HDLBP: variants seen among roughly 807,000 people sequenced by gnomAD.
The protein encoded by HDLBP is vigilin.
Under a neutral mutation model 137.3 loss-of-function variants are expected in HDLBP, and 30 were observed. The observed-to-expected ratio is 0.22, with a 90% CI of 0.16 to 0.30. The LOEUF is 0.30. HDLBP is among the 10% of genes least tolerant of loss of function. HDLBP has a pLI of 1.00. For missense variants in HDLBP, 1,119 were observed against 1,667.3 expected, an observed-to-expected ratio of 0.67 and a Z score of 5.73; for synonymous variants, 606 against 596.0, an observed-to-expected ratio of 1.02 and a Z score of -0.24.
Position 241,230,702 on chromosome 2 carries a change from A to T in HDLBP, c.3474+57T>A, listed in dbSNP as rs1484237384. ...CCATGCCCTGCTCTTTCTTCTGGCC[A>T]GCCAGGTGCCCCCGGTGAGAGAGGA... On this transcript the variant is annotated intron_variant, in intron 25 of 27. Coordinates refer to ENST00000310931, the MANE Select transcript of HDLBP (RefSeq NM_005336.6). This position sits in a 1 kb window ranked among gnomAD's most constrained non-coding sequence, Gnocchi z 5.0. The T allele has an allele frequency of 3.3e-6, 5 of 1,500,920 alleles. No individual in the cohort carries two copies. The highest frequency in any genetic ancestry group is 4.6e-6 in the Non-Finnish European group (5 of 1,085,416). The allele number at this position is 1,500,920 out of a possible 1,614,324, so 93.0% of individuals were successfully genotyped here.
At chr2:241,257,453 G>A (rs1169351090) in intron 5 of HDLBP, among the ~76,000 whole-genome samples, 5 of 152,132 alleles carry the variant, frequency 3.3e-5, no homozygotes, top group East Asian at 1.9e-4. Flanking sequence ...CGATGGTCTC[G>A]AATTCCTGAC....
Position 241,229,878 on chromosome 2 carries a change from G to T in HDLBP, c.3675C>A (p.Gly1225=), listed in dbSNP as rs746474192. 6.5e-7 allele frequency: 1 copy of T among 1,530,872 alleles called. No homozygotes were observed. The highest frequency in any genetic ancestry group is 8.8e-7 in the Non-Finnish European group (1 of 1,130,962). The allele number at this position is 1,530,872 out of a possible 1,614,324, so 94.8% of individuals were successfully genotyped here. ...TCCAGGGTGCGTCCCGCACCACAAA[G>T]CCTCTGGAAGGTGCCTTGGCCTCTT... ...AHEEAKAPSR[G]FVVRDAPWTA... Residue 1225 remains glycine (G), a synonymous_variant, in exon 27 of 28, where the codon GGC becomes GGA. Transcript: ENST00000310931.
At position 241,272,056 on chromosome 2, in the gene HDLBP, T is replaced by C. The variant is rs2074086427; in HGVS notation, c.-102-3515A>G. 7.4e-6 allele frequency: 3 copies of C among 407,990 alleles called. No individual in the cohort carries two copies. In the South Asian group the frequency reaches 3.0e-4, roughly 41 times the overall value. 25.3% of individuals were successfully genotyped at this position (407,990 alleles called of 1,614,324 possible). On this transcript the variant is annotated intron_variant, in intron 1 of 27. Coordinates refer to ENST00000310931, the MANE Select transcript of HDLBP (RefSeq NM_005336.6). The surrounding 1 kb of genome is among the most constrained non-coding windows in gnomAD (Gnocchi z 5.6). ...AGCAACCCCTCGGCCTCCCCGCCTT[T>C]CATCCAAATTCGGTACTTTTCCGTA...
At chr2:241,234,787 C>T (rs545144530) in intron 23 of HDLBP, among the ~76,000 whole-genome samples, 3 of 152,358 alleles carry the variant, frequency 2.0e-5, no homozygotes, top group South Asian at 2.1e-4. Context: ...CGATGCTCGT[C>T]CTCACTGCAT....
At position 241,229,947 on chromosome 2, in the gene HDLBP, C is replaced by T. The variant is rs202193042; in HGVS notation, c.3606G>A (p.Val1202=). The T allele has an allele frequency of 3.2e-5, 51 of 1,601,142 alleles. 1 individual carries two copies. In the Admixed American group the frequency reaches 8.3e-4, roughly 26 times the overall value. Residue 1202 remains valine, a synonymous_variant, in exon 27 of 28, where the codon GTG becomes GTA. Coordinates refer to ENST00000310931, the MANE Select transcript of HDLBP (RefSeq NM_005336.6). ...NLEEEYLADV[V]DSEALQVYMK... is the part of the protein sequence containing the mutation. Reference sequence around the variant, plus strand: ...TGTATACCTGCAGCGCCTCACTGTCCACCACGTCAGCTAGCTGCAGGCAGA... The same window carrying T: ...TGTATACCTGCAGCGCCTCACTGTCTACCACGTCAGCTAGCTGCAGGCAGA...
chr2:241,274,159 G>T (rs1257174391), intron 1 of HDLBP, among the ~76,000 whole-genome samples: 1 of 152,210 alleles, frequency 6.6e-6, no homozygotes, highest in Non-Finnish European at 1.5e-5. Context: ...GTGATGCCCT[G>T]ACTGGGCAGG....
intron 11 of HDLBP, among the ~76,000 whole-genome samples, chr2:241,251,355 G>C (rs1278822951): frequency 6.6e-6 from 1 of 152,228 alleles, no homozygotes; most frequent in East Asian, 1.9e-4. Context: ...AGGTCACTTT[G>C]TGCCTACAGA....
chr2:241,311,593 C>T (rs987061200), intron 1 of HDLBP, among the ~76,000 whole-genome samples: 1 of 152,132 alleles, frequency 6.6e-6, no homozygotes, highest in East Asian at 1.9e-4. Flanking sequence ...AGAAAACGGA[C>T]AATTTCTTGA....
In HDLBP at chr2:241,227,546, T is replaced by A. The variant is rs906352670; in HGVS notation, c.*2055A>T. ...AGGGAGACAGGCCTGGGGACAGTCA[T>A]GTCATCACCCTTGCAACAACCACCC... is the stretch of plus-strand genomic sequence containing the variant. On this transcript the variant is annotated 3_prime_UTR_variant, in exon 28 of 28. Transcript: ENST00000310931. The A allele has an allele frequency of 6.6e-6, 1 of 152,580 alleles. No homozygotes were observed. The highest frequency in any genetic ancestry group is 6.5e-5 in the Admixed American group (1 of 15,276). The allele number at this position is 152,580 out of a possible 1,614,324, so 9.5% of individuals were successfully genotyped here.
At chr2:241,250,074 A>C in intron 11 of HDLBP, 94 bp from the exon 12 acceptor site, 1 of 1,239,928 alleles carries the variant, frequency 8.1e-7, no homozygotes, top group East Asian at 2.5e-5. Context: ...GCGCTAAATA[A>C]CCTTATCTGT....
At chr2:241,282,915 G>A (rs770130315) in intron 1 of HDLBP, among the ~76,000 whole-genome samples, 12 of 152,236 alleles carry the variant, frequency 7.9e-5, no homozygotes, top group African/African-American at 2.4e-4. Flanking sequence ...AGAGCTGCAC[G>A]TCTCTCATAT....
At chr2:241,236,376 C>T (rs1220369215) in intron 21 of HDLBP, 1 of 553,848 alleles carries the variant, frequency 1.8e-6, no homozygotes, top group African/African-American at 1.9e-5. Flanking sequence ...GGCCGGATCC[C>T]ATGCAGCTGT....
At chr2:241,287,099 C>A (rs2074844636) in intron 1 of HDLBP, among the ~76,000 whole-genome samples, 1 of 152,178 alleles carries the variant, frequency 6.6e-6, no homozygotes, top group Non-Finnish European at 1.5e-5. Flanking sequence ...TGTCAGTGAA[C>A]AAGAAGAGGC....
In HDLBP at chr2:241,233,121, G is replaced by C. The variant is rs1389963779; in HGVS notation, c.3288+699C>G. On this transcript the variant is annotated intron_variant, in intron 24 of 27. Coordinates refer to ENST00000310931, the MANE Select transcript of HDLBP (RefSeq NM_005336.6). This position sits in a 1 kb window ranked among gnomAD's most constrained non-coding sequence, Gnocchi z 4.3. ...AGCACAACTGTGGCCACCAAGGCTT[G>C]CTAGTCTCCCACTGTGGGCAAAGCT... Among the ~76,000 whole-genome samples the C allele has an allele frequency of 1.3e-5, 2 of 152,208 alleles. No homozygotes were observed. The highest frequency in any genetic ancestry group is 3.9e-4 in the East Asian group (2 of 5,190).
intron 11 of HDLBP, 49 bp downstream of exon 11, chr2:241,252,907 CA>C (rs2072311896): frequency 7.7e-7 from 1 of 1,293,618 alleles, no homozygotes; most frequent in East Asian, 2.3e-5. Flanking sequence ...ACACCCCCCA[CA>C]AGGGTCTCAG....
intron 1 of HDLBP, among the ~76,000 whole-genome samples, chr2:241,302,275 C>T (rs182958410): frequency 2.6e-5 from 4 of 152,104 alleles, no homozygotes; most frequent in African/African-American, 9.6e-5. Flanking sequence ...AACTAGAGGC[C>T]AGGTTAGGTG....
intron 16 of HDLBP, among the ~76,000 whole-genome samples, chr2:241,246,390 G>A (rs1291191713): frequency 1.3e-5 from 2 of 152,086 alleles, no homozygotes; most frequent in Non-Finnish European, 2.9e-5. Flanking sequence ...GTATACACAC[G>A]TCAAAACTAT....
chr2:241,314,969 C>G (rs1197718932), intron 1 of HDLBP: 1 of 152,186 alleles, frequency 6.6e-6, no homozygotes, highest in Non-Finnish European at 1.5e-5. Flanking sequence ...AAAGGACACC[C>G]CGGGCCGGGG....
intron 1 of HDLBP, 184 bp downstream of exon 1, chr2:241,315,383 TGCC>T (rs2076025606): frequency 1.3e-5 from 2 of 152,128 alleles, no homozygotes; most frequent in South Asian, 4.1e-4. Context: ...AGCTCGGTGC[TGCC>T]GCCATCTTCT....
Sources: allele counts gnomAD v4.1 joint callset (sites outside exome capture counted in the v4.1 genomes callset), GRCh38; gene constraint gnomAD v4.1.1; non-coding constraint Gnocchi (gnomAD v3.1); transcripts MANE v1.5; gene names NCBI Gene and HGNC (gene_info 2026-07-23, HGNC 2026-07-21).